The following NDST4 variants were observed in gnomAD, a reference collection of about 807,000 sequenced individuals.
NDST4 encodes N-heparan sulfate sulfotransferase 4.
A neutral mutation model predicts 100.8 loss-of-function variants in NDST4; 63 were observed. That is an observed-to-expected ratio of 0.62 (90% CI 0.51 to 0.77). The LOEUF is 0.77. NDST4 is among the 30% of genes least tolerant of loss of function. The pLI is 0.00. For synonymous variants in NDST4, 377 were observed against 361.8 expected, an observed-to-expected ratio of 1.04 and a Z score of -0.48; for missense variants, 943 against 1,018.4, an observed-to-expected ratio of 0.93 and a Z score of 1.01.
intron 2 of NDST4, among the ~76,000 whole-genome samples, chr4:115,044,956 C>G (rs370261382): frequency 9.9e-5 from 15 of 150,996 alleles, no homozygotes; most frequent in African/African-American, 3.4e-4. Context: ...TGTTAAGTGT[C>G]GACAAAAATG....
Position 114,879,572 on chromosome 4 carries a change from C to T in NDST4, c.1537-8622G>A, listed in dbSNP as rs75650559. Among the ~76,000 whole-genome samples, 827 of 152,272 alleles carry T rather than the reference C, an allele frequency of 5.4e-3. 7 individuals carry two copies. The highest frequency in any genetic ancestry group is 7.5e-3 in the Non-Finnish European group (509 of 68,016). On this transcript the variant is annotated intron_variant, in intron 6 of 13. Transcript: ENST00000264363. ...TATTTCCTGGCTATTCCCTCAGTCT[C>T]ACATTACATTTTAATCTCCTTGAAT...
intron 6 of NDST4, among the ~76,000 whole-genome samples, chr4:114,895,478 T>C (rs1724693983): frequency 6.6e-6 from 1 of 152,076 alleles, no homozygotes; most frequent in Non-Finnish European, 1.5e-5. Context: ...AGCTCTGAAA[T>C]TGGGGCAGTA....
At chr4:114,912,641 A>G (rs1725085358) in intron 6 of NDST4, among the ~76,000 whole-genome samples, 1 of 152,112 alleles carries the variant, frequency 6.6e-6, no homozygotes, top group African/African-American at 2.4e-5. Flanking sequence ...CCTTATCTCA[A>G]AAATAGCTAT....
chr4:114,895,853 TG>T (rs1485453327), intron 6 of NDST4, among the ~76,000 whole-genome samples: 1 of 152,086 alleles, frequency 6.6e-6, no homozygotes, highest in South Asian at 2.1e-4. Flanking sequence ...ACGATCAAGT[TG>T]GCTTCATCCC....
chr4:114,919,013 A>G (rs143018066), intron 6 of NDST4, among the ~76,000 whole-genome samples: 41 of 152,320 alleles, frequency 2.7e-4, no homozygotes, highest in African/African-American at 9.4e-4. Flanking sequence ...TGCTGTTTCC[A>G]TAAAAATTGT....
chr4:115,070,604 A>G (rs983635563), intron 2 of NDST4, among the ~76,000 whole-genome samples: 1 of 152,222 alleles, frequency 6.6e-6, no homozygotes, highest in Admixed American at 6.5e-5. Context: ...TTTTATTAAT[A>G]AACAAATGAA....
rs772908666 is a variant in NDST4, at chr4:114,852,843, A to G, written c.1720-22T>C. ...GATTCTGCAAGAAGGAAGAATAAGT[A>G]ACCTCACAGTGTAATGACTGTCTGG... On this transcript the variant is annotated intron_variant, in intron 7 of 13. Coordinates refer to ENST00000264363, the MANE Select transcript of NDST4 (RefSeq NM_022569.3). The G allele has an allele frequency of 2.6e-6, 4 of 1,520,680 alleles. No homozygotes were observed. The Admixed American group carries it at 5.1e-5, about 20-fold the overall frequency. 94.2% of individuals were successfully genotyped at this position (1,520,680 alleles called of 1,614,324 possible). A position where few individuals can be genotyped will look rare whatever the true frequency, so the allele number is the denominator to read the frequency against.
intron 2 of NDST4, among the ~76,000 whole-genome samples, chr4:114,983,359 G>T (rs1276696692): frequency 1.3e-5 from 2 of 152,232 alleles, no homozygotes; most frequent in Non-Finnish European, 2.9e-5. Context: ...GGGCAGAGTT[G>T]CCCAGGGCCT....
In NDST4 at chr4:115,077,038, T is replaced by C. The variant is rs1455448218; in HGVS notation, c.-2A>G. On this transcript the variant is annotated 5_prime_UTR_variant, in exon 2 of 14. Transcript: ENST00000264363. The stretch of plus-strand genomic sequence containing the variant: ...CCGAAGTTTCACAATAAGATTCATT[T>C]TTTAGAATAATGTTTTGGAAGCTTT... The C allele has an allele frequency of 6.3e-7, 1 of 1,588,106 alleles. No homozygotes were observed. Among genetic ancestry groups the C allele is most frequent in the Non-Finnish European group, 8.6e-7 (1 of 1,169,352 alleles).
chr4:114,930,202 T>G (rs560424893), intron 6 of NDST4, among the ~76,000 whole-genome samples: 4 of 152,206 alleles, frequency 2.6e-5, no homozygotes, highest in African/African-American at 7.2e-5. Flanking sequence ...GCACAAAAAT[T>G]GAAATATCTC....
intron 2 of NDST4, among the ~76,000 whole-genome samples, chr4:115,037,760 A>G (rs764689112): frequency 6.6e-6 from 1 of 152,168 alleles, no homozygotes; most frequent in South Asian, 2.1e-4. Context: ...ATTCTAGTCC[A>G]TGTCAGTCAT....
At chr4:115,094,068 A>C (rs114425154) in intron 1 of NDST4, among the ~76,000 whole-genome samples, 2,250 of 152,180 alleles carry the variant, frequency 0.015, 33 homozygotes, top group African/African-American at 0.032. Flanking sequence ...AACATAACTG[A>C]TGGAAATGAA....
chr4:114,848,909 C>G (rs28548820), intron 8 of NDST4, among the ~76,000 whole-genome samples: 2,453 of 152,150 alleles, frequency 0.016, 66 homozygotes, highest in African/African-American at 0.056. Context: ...GGGACAGGTG[C>G]CATAATGAGA....
At chr4:114,893,950 T>C (rs1257983248) in intron 6 of NDST4, among the ~76,000 whole-genome samples, 1 of 152,222 alleles carries the variant, frequency 6.6e-6, no homozygotes. Flanking sequence ...TTCAGTTTTC[T>C]GCGTATGGCT....
chr4:114,834,084 G>A (rs1723258412), intron 11 of NDST4, among the ~76,000 whole-genome samples: 1 of 152,102 alleles, frequency 6.6e-6, no homozygotes, highest in African/African-American at 2.4e-5. Context: ...GGAGCTTAGG[G>A]CTCAGAAATA....
intron 2 of NDST4, among the ~76,000 whole-genome samples, chr4:115,031,836 G>C (rs563706471): frequency 6.6e-6 from 1 of 151,882 alleles, no homozygotes; most frequent in South Asian, 2.1e-4. Flanking sequence ...ACTCTTTTTG[G>C]GATGTGTCAG....
intron 10 of NDST4, among the ~76,000 whole-genome samples, chr4:114,843,776 G>T (rs1032545542): frequency 3.3e-5 from 5 of 151,860 alleles, no homozygotes; most frequent in Non-Finnish European, 7.4e-5. Context: ...CTTTCTTGGC[G>T]CCTCATCCCG....
At chr4:115,070,063 A>T (rs1475937660) in intron 2 of NDST4, among the ~76,000 whole-genome samples, 1 of 152,212 alleles carries the variant, frequency 6.6e-6, no homozygotes, top group Admixed American at 6.5e-5. Flanking sequence ...CAGCAATCCC[A>T]TAACTGTATA....
intron 7 of NDST4, among the ~76,000 whole-genome samples, chr4:114,854,480 T>G (rs1470999236): frequency 6.6e-6 from 1 of 152,208 alleles, no homozygotes; most frequent in Non-Finnish European, 1.5e-5. Context: ...TCCTTTCTTT[T>G]TTTTTGAGAC....
Sources: allele counts gnomAD v4.1 joint callset (sites outside exome capture counted in the v4.1 genomes callset), GRCh38; gene constraint gnomAD v4.1.1; transcripts MANE v1.5; gene names NCBI Gene and HGNC (gene_info 2026-07-23, HGNC 2026-07-21).